The following ASB9 variants were observed in gnomAD, a reference collection of about 807,000 sequenced individuals.
ASB9 encodes ankyrin repeat and SOCS box protein 9.
ASB9 carries 5 observed loss-of-function variants against 16.6 expected under a neutral mutation model. That is an observed-to-expected ratio of 0.30 (90% CI 0.16 to 0.63). The LOEUF is 0.63. Ranked by LOEUF, ASB9 falls within the 30% of genes least tolerant of loss-of-function variation. The pLI is 0.82. For synonymous variants in ASB9, 100 were observed against 86.4 expected (o/e 1.16, Z -0.87); for missense variants, 216 against 229.4 (o/e 0.94, Z 0.38).
At chrX:15,255,667 T>A (rs774305862) in intron 2 of ASB9, among the ~76,000 whole-genome samples, 4 of 111,936 alleles carry the variant, frequency 3.6e-5, no homozygotes, top group African/African-American at 1.3e-4. Flanking sequence ...TCAATTTTTT[T>A]AAAGTCAGCG....
At chrX:15,264,972 C>T (rs1468511892) in intron 1 of ASB9, among the ~76,000 whole-genome samples, 1 of 111,842 alleles carries the variant, frequency 8.9e-6, no homozygotes, top group Non-Finnish European at 1.9e-5. Flanking sequence ...GTGACTTCTA[C>T]TTCTTTGAAA....
chrX:15,247,484 C>T (rs1029002070), intron 6 of ASB9, among the ~76,000 whole-genome samples: 6 of 111,780 alleles, frequency 5.4e-5, no homozygotes, highest in Non-Finnish European at 1.1e-4. Context: ...GTATGCCCTA[C>T]GTTATGACTG....
intron 3 of ASB9, among the ~76,000 whole-genome samples, chrX:15,252,784 G>C (rs1319382801): frequency 8.9e-6 from 1 of 112,327 alleles, no homozygotes; most frequent in East Asian, 2.8e-4. Context: ...GGAAATTGTT[G>C]AAATTATTAG....
rs1926241852 is a variant in ASB9 at position 15,264,619 on chromosome X, C to T, written c.94+5162G>A. Among the ~76,000 whole-genome samples, 3 of 111,576 alleles carry T rather than the reference C, an allele frequency of 2.7e-5. No individual in the cohort carries two copies. The South Asian group carries it at 1.1e-3, about 42-fold the overall frequency. ...ATCCACACCTGGGCCCTATTTTCCC[C>T]TCTAACTTGGCCTTGTGCAAAGGGA... On this transcript the variant is annotated intron_variant, in intron 1 of 6. Transcript: ENST00000380488.
chrX:15,244,293 C>A lies in ASB9; in HGVS notation c.*213G>T. On this transcript the variant is annotated 3_prime_UTR_variant, in exon 7 of 7. Coordinates refer to ENST00000380488, the MANE Select transcript of ASB9 (RefSeq NM_001031739.3). ...CATGCCTTCTAACTAATAATACAAA[C>A]GTATGCAGTGTCTTTCAACCCTGGC... 2.5e-6 allele frequency: 1 copy of A among 400,532 alleles called. No homozygotes were observed. The allele number at this position is 400,532 out of a possible 1,213,427, so 33.0% of individuals were successfully genotyped here. A position where few individuals can be genotyped will look rare whatever the true frequency, so the allele number is the denominator to read the frequency against.
intron 1 of ASB9, among the ~76,000 whole-genome samples, chrX:15,261,501 T>C (rs1264054398): frequency 9.0e-6 from 1 of 111,691 alleles, no homozygotes; most frequent in Non-Finnish European, 1.9e-5. Flanking sequence ...TTTGTAACTG[T>C]CCAGATTTCA....
chrX:15,248,988 C>T (rs1011712584), intron 5 of ASB9, 53 bp from the exon 6 acceptor site: 2 of 1,058,680 alleles, frequency 1.9e-6, no homozygotes, highest in African/African-American at 1.9e-5. Flanking sequence ...ATCCAACCAT[C>T]GGGGCTTTTC....
Position 15,269,927 on chromosome X carries a change from A to G in ASB9, c.-53T>C, listed in dbSNP as rs1926849254. 7 of 992,763 alleles carry G rather than the reference A, an allele frequency of 7.1e-6. No individual in the cohort carries two copies. The highest frequency in any genetic ancestry group is 9.7e-6 in the Non-Finnish European group (7 of 719,505). 81.8% of individuals were successfully genotyped at this position (992,763 alleles called of 1,213,427 possible). A position where few individuals can be genotyped will look rare whatever the true frequency, so the allele number is the denominator to read the frequency against. On this transcript the variant is annotated 5_prime_UTR_variant, in exon 1 of 7. Coordinates refer to ENST00000380488, the MANE Select transcript of ASB9 (RefSeq NM_001031739.3). ...TGCGCTCCACTTCAGTTGCTCAGCAAAGTCCAAACTCCATGCTCCCCCTGC... is the reference window on the plus strand; with the variant it reads ...TGCGCTCCACTTCAGTTGCTCAGCAGAGTCCAAACTCCATGCTCCCCCTGC...
rs771890468 is a variant in ASB9 at position 15,244,518 on chromosome X, G to A, written c.873C>T (p.Leu291=). 50 of 1,194,829 alleles carry A rather than the reference G, an allele frequency of 4.2e-5. No individual in the cohort carries two copies. The South Asian group carries it at 8.5e-4, about 20-fold the overall frequency. Residue 291 remains leucine (L), a synonymous_variant, in exon 7 of 7, where the codon CTC becomes CTT. Coordinates refer to ENST00000380488, the MANE Select transcript of ASB9 (RefSeq NM_001031739.3). ...TCCCTAGATGCATTTAAAGATGTAG[G>A]AGAAACTGTTTCAGATCCTCTGGGA... The part of the protein sequence containing the change: ...LVLPEDLKQF[L]LHL
At chrX:15,248,959 AG>A (rs774304497) in intron 5 of ASB9, 24 bp from the exon 6 acceptor site, 104 of 1,132,889 alleles carry the variant, frequency 9.2e-5, no homozygotes, top group Non-Finnish European at 1.6e-5. Flanking sequence ...AGAACAAAAA[AG>A]AGTCAGCAAG....
At position 15,244,342 on chromosome X, in the gene ASB9, A is replaced by G; in HGVS notation, c.*164T>C. 1.7e-6 allele frequency: 1 copy of G among 575,207 alleles called. No individual in the cohort carries two copies. Among genetic ancestry groups the G allele is most frequent in the East Asian group, 3.6e-5 (1 of 27,532 alleles). 47.4% of individuals were successfully genotyped at this position (575,207 alleles called of 1,213,427 possible). A position where few individuals can be genotyped will look rare whatever the true frequency, so the allele number is the denominator to read the frequency against. On this transcript the variant is annotated 3_prime_UTR_variant, in exon 7 of 7. Coordinates refer to ENST00000380488, the MANE Select transcript of ASB9 (RefSeq NM_001031739.3). ...GCTTGAGTTTAACAAATACAAATTG[A>G]ATAGAAAAAATTAGTCAAACTCCAT...
chrX:15,255,660 A>AT (rs1183194537), intron 2 of ASB9, among the ~76,000 whole-genome samples: 1 of 111,424 alleles, frequency 9.0e-6, no homozygotes, highest in Non-Finnish European at 1.9e-5. Context: ...AAATTTCTCA[A>AT]TTTTTTTAAA....
At chrX:15,267,425 T>TAAAA (rs1555934622) in intron 1 of ASB9, among the ~76,000 whole-genome samples, 9,396 of 81,559 alleles carry the variant, frequency 0.12, 2 homozygotes, top group East Asian at 0.17. Context: ...AAAATATATA[T>TAAAA]ATATATATAA....
intron 6 of ASB9, among the ~76,000 whole-genome samples, chrX:15,246,667 C>T (rs188448720): frequency 1.8e-5 from 2 of 110,677 alleles, no homozygotes; most frequent in East Asian, 2.9e-4. Flanking sequence ...TTAGAAGAGA[C>T]GGGGTTTCAC....
At chrX:15,244,670 T>A in intron 6 of ASB9, 40 bp from the exon 7 acceptor site, 1 of 1,127,124 alleles carries the variant, frequency 8.9e-7, no homozygotes, top group Non-Finnish European at 1.2e-6. Context: ...AATGGTGCTA[T>A]TGATCTAAGA....
chrX:15,256,962 G>T (rs751002486), intron 2 of ASB9, among the ~76,000 whole-genome samples: 5 of 110,499 alleles, frequency 4.5e-5, no homozygotes, highest in African/African-American at 1.6e-4. Flanking sequence ...GCCACAAGAG[G>T]GGTATGATTG....
At chrX:15,253,485 A>C (rs1416195702) in intron 3 of ASB9, among the ~76,000 whole-genome samples, 1 of 109,568 alleles carries the variant, frequency 9.1e-6, no homozygotes. Context: ...CTATAATCCC[A>C]GCTACTCAGG....
At chrX:15,246,816 G>A (rs1924710844) in intron 6 of ASB9, among the ~76,000 whole-genome samples, 1 of 111,628 alleles carries the variant, frequency 9.0e-6, no homozygotes, top group Admixed American at 9.5e-5. Context: ...AGTGCACTGG[G>A]TGAGGGGGGA....
At chrX:15,247,943 C>T (rs760541138) in intron 6 of ASB9, among the ~76,000 whole-genome samples, 1 of 112,449 alleles carries the variant, frequency 8.9e-6, no homozygotes, top group Non-Finnish European at 1.9e-5. Flanking sequence ...TACTGCTCAT[C>T]ATGTGGGGAG....
Sources: gnomAD v4.1 joint callset for allele counts (sites outside exome capture counted in the v4.1 genomes callset) on GRCh38, gnomAD v4.1.1 for gene constraint, MANE v1.5 for transcripts, NCBI Gene and HGNC (gene_info 2026-07-23, HGNC 2026-07-21) for gene names.